The following OSBPL10 variants were observed in gnomAD, a reference collection of about 807,000 sequenced individuals.
OSBPL10 encodes oxysterol-binding protein-related protein 10.
In OSBPL10, 49 loss-of-function variants were observed where a neutral mutation model predicts 81.7. The observed-to-expected ratio is 0.60, with a 90% confidence interval of 0.48 to 0.76. The LOEUF (loss-of-function observed/expected upper bound fraction) is 0.76, where lower values mean the gene tolerates loss of function less well. Ranked by LOEUF, OSBPL10 falls within the 30% of genes least tolerant of loss-of-function variation. The probability of loss-of-function intolerance (pLI) is 0.00; values close to 1 mark genes in which losing one functional copy is unlikely to be tolerated. For missense variants in OSBPL10, 923 were observed against 987.8 expected (o/e 0.93, Z 0.88); for synonymous variants, 419 against 383.6 (o/e 1.09, Z -1.08).
At chr3:31,712,466 A>C (rs1696291828) in intron 6 of OSBPL10, among the ~76,000 whole-genome samples, 1 of 152,230 alleles carries the variant, frequency 6.6e-6, no homozygotes, top group African/African-American at 2.4e-5. Flanking sequence ...TAAAAACATG[A>C]ATCGCTAAAG....
chr3:31,772,290 C>T (rs998706201), intron 4 of OSBPL10, among the ~76,000 whole-genome samples: 5 of 152,232 alleles, frequency 3.3e-5, no homozygotes, highest in Admixed American at 6.5e-5. Context: ...AGCCGTTCCA[C>T]ATAACCCCTT....
At chr3:32,021,935 G>A (rs1437355098) in intron 2 of OSBPL10, among the ~76,000 whole-genome samples, 3 of 150,792 alleles carry the variant, frequency 2.0e-5, no homozygotes, top group East Asian at 3.9e-4. Flanking sequence ...AGTCATGGTC[G>A]TGCTACTGCA....
chr3:32,008,126 A>G (rs1699221229), intron 2 of OSBPL10, among the ~76,000 whole-genome samples: 1 of 151,974 alleles, frequency 6.6e-6, no homozygotes. Flanking sequence ...CTATTACGGG[A>G]ATGATTTAAT....
At chr3:31,832,610 C>G (rs1700271593) in intron 3 of OSBPL10, among the ~76,000 whole-genome samples, 1 of 152,124 alleles carries the variant, frequency 6.6e-6, no homozygotes, top group South Asian at 2.1e-4. Flanking sequence ...ATGTAAGATG[C>G]ACATATACAG....
chr3:31,880,502 C>T lies in OSBPL10; in HGVS notation c.282-672G>A, dbSNP rs984526111. On this transcript the variant is annotated intron_variant, in intron 1 of 11. Coordinates refer to ENST00000396556, the MANE Select transcript of OSBPL10 (RefSeq NM_017784.5). Reference sequence around the variant, plus strand: ...ACAATGAATCTTTGTAGCCAAATATCTGGCCTGTTAATTTTCTCAAGCTAT... The same window carrying T: ...ACAATGAATCTTTGTAGCCAAATATTTGGCCTGTTAATTTTCTCAAGCTAT... 5.3e-5 allele frequency among the ~76,000 whole-genome samples: 8 copies of T among 152,200 alleles called. No homozygotes were observed. The South Asian group carries it at 1.4e-3, about 28-fold the overall frequency.
intron 3 of OSBPL10, among the ~76,000 whole-genome samples, chr3:31,837,435 T>A (rs1304893065): frequency 6.9e-6 from 1 of 144,842 alleles, no homozygotes; most frequent in East Asian, 2.1e-4. Context: ...AGAGAAAAAA[T>A]CTGAAAACAA....
At chr3:31,859,961 A>T (rs1701018915) in intron 3 of OSBPL10, among the ~76,000 whole-genome samples, 1 of 152,080 alleles carries the variant, frequency 6.6e-6, no homozygotes, top group Non-Finnish European at 1.5e-5. Context: ...GGACTTGGAG[A>T]TTGCCATGTA....
chr3:31,900,533 C>T (rs1319921509), intron 1 of OSBPL10, among the ~76,000 whole-genome samples: 2 of 152,206 alleles, frequency 1.3e-5, no homozygotes, highest in Admixed American at 6.5e-5. Flanking sequence ...CATTTCTCCC[C>T]TTCTCAGGCT....
intron 4 of OSBPL10, among the ~76,000 whole-genome samples, chr3:31,798,278 A>C (rs1396326226): frequency 1.3e-5 from 2 of 152,074 alleles, no homozygotes; most frequent in African/African-American, 2.4e-5. Flanking sequence ...AAAAACATAA[A>C]AATTAGCTGG....
At chr3:31,837,687 C>A (rs1700395311) in intron 3 of OSBPL10, among the ~76,000 whole-genome samples, 1 of 149,848 alleles carries the variant, frequency 6.7e-6, no homozygotes, top group African/African-American at 2.4e-5. Flanking sequence ...ACAATGTTGC[C>A]AGATATATGA....
At chr3:31,886,900 C>T (rs1349881831) in intron 1 of OSBPL10, among the ~76,000 whole-genome samples, 1 of 151,744 alleles carries the variant, frequency 6.6e-6, no homozygotes, top group African/African-American at 2.4e-5. Context: ...GGTCATGCCA[C>T]TGCACTCCAG....
In OSBPL10 at chr3:32,026,050, A is replaced by AGATAGATAGAT. The variant is rs1553649779; in HGVS notation, n.298+20440_298+20441insATCTATCTATC. Among the ~76,000 whole-genome samples, 4 of 115,878 alleles carry AGATAGATAGAT rather than the reference A, an allele frequency of 3.5e-5. No homozygotes were observed. The East Asian group carries it at 1.1e-3, about 32-fold the overall frequency. The allele number at this position is 115,878 out of a possible 152,430, so 76.0% of individuals were successfully genotyped here. On this transcript the variant is annotated intron_variant and non_coding_transcript_variant, in intron 2 of 3. Transcript: ENST00000479173. ...TAGATAGATAGATAGATAGATAGAT[A>AGATAGATAGAT]GATAGATGATAGATAGATAGATAGA...
chr3:31,691,689 C>A (rs911345756), intron 7 of OSBPL10, among the ~76,000 whole-genome samples: 1 of 151,934 alleles, frequency 6.6e-6, no homozygotes, highest in African/African-American at 2.4e-5. Flanking sequence ...TATGATTGCA[C>A]CACTGTATGC....
intron 2 of OSBPL10, among the ~76,000 whole-genome samples, chr3:31,986,610 T>C (rs1178729183): frequency 2.0e-5 from 3 of 152,144 alleles, no homozygotes; most frequent in African/African-American, 7.2e-5. Context: ...TTATATTTTT[T>C]TATACGAAAA....
chr3:31,710,084 C>T (rs559939871), intron 6 of OSBPL10, among the ~76,000 whole-genome samples: 4 of 152,290 alleles, frequency 2.6e-5, no homozygotes, highest in South Asian at 2.1e-4. Flanking sequence ...CTTTAGGAGA[C>T]AGAGATGCAC....
chr3:31,839,854 T>C (rs1360907889), intron 3 of OSBPL10, among the ~76,000 whole-genome samples: 2 of 102,934 alleles, frequency 1.9e-5, no homozygotes, highest in African/African-American at 5.9e-5. Flanking sequence ...TGGTACCACC[T>C]AAGGCTCATG....
intron 1 of OSBPL10, among the ~76,000 whole-genome samples, chr3:31,906,088 G>C (rs1422619481): frequency 3.3e-5 from 5 of 152,158 alleles, no homozygotes; most frequent in African/African-American, 4.8e-5. Context: ...CATCACTTCA[G>C]TTGGCTCTGC....
At chr3:31,801,043 C>A (rs547040115) in intron 4 of OSBPL10, among the ~76,000 whole-genome samples, 4 of 151,754 alleles carry the variant, frequency 2.6e-5, no homozygotes, top group Non-Finnish European at 4.4e-5. Flanking sequence ...CTACTGACAT[C>A]ACCATAGGTT....
At chr3:31,810,729 T>G (rs549240457) in intron 4 of OSBPL10, among the ~76,000 whole-genome samples, 1 of 152,218 alleles carries the variant, frequency 6.6e-6, no homozygotes, top group African/African-American at 2.4e-5. Context: ...ATTAAAATTA[T>G]GAGATACAAG....
Sources: allele counts gnomAD v4.1 joint callset (sites outside exome capture counted in the v4.1 genomes callset), GRCh38; gene constraint gnomAD v4.1.1; transcripts MANE v1.5; gene names NCBI Gene and HGNC (gene_info 2026-07-23, HGNC 2026-07-21).